The following LPCAT1 variants were observed in gnomAD, a reference collection of about 807,000 sequenced individuals.
The protein encoded by LPCAT1 is lysophosphatidylcholine acyltransferase 1.
In LPCAT1, 23 loss-of-function variants were observed where a neutral mutation model predicts 60.9. The ratio of observed to expected loss-of-function variants is 0.38; its 90% CI spans 0.27 to 0.53. LPCAT1 has a LOEUF of 0.53. Among genes scored for constraint, LPCAT1 ranks in the 20% least tolerant of loss-of-function variants. The pLI is 0.82. For missense variants in LPCAT1, 622 were observed against 723.6 expected (o/e 0.86, Z 1.61); for synonymous variants, 340 against 301.1 (o/e 1.13, Z -1.34).
At chr5:1,473,603 ACT>A (rs1328201762) in intron 11 of LPCAT1, among the ~76,000 whole-genome samples, 1 of 151,716 alleles carries the variant, frequency 6.6e-6, no homozygotes, top group Admixed American at 6.6e-5. Flanking sequence ...GTTATTAGAA[ACT>A]CTGACGCTGC....
intron 3 of LPCAT1, among the ~76,000 whole-genome samples, chr5:1,490,438 G>C (rs527990812): frequency 1.3e-5 from 2 of 152,240 alleles, no homozygotes; most frequent in African/African-American, 4.8e-5. Flanking sequence ...AGACGAAGAG[G>C]GGGAGAGAAG....
chr5:1,491,105 T>C (rs112346281), intron 3 of LPCAT1, among the ~76,000 whole-genome samples: 23 of 152,266 alleles, frequency 1.5e-4, no homozygotes, highest in African/African-American at 4.6e-4. Flanking sequence ...TGTGGTTGTC[T>C]GTTGGGTCTC....
chr5:1,472,410 T>C (rs1465959501), intron 11 of LPCAT1, among the ~76,000 whole-genome samples: 3 of 152,016 alleles, frequency 2.0e-5, no homozygotes, highest in African/African-American at 7.3e-5. Flanking sequence ...CCACACCCCT[T>C]GCAAGGCATG....
intron 3 of LPCAT1, among the ~76,000 whole-genome samples, chr5:1,493,296 G>A (rs1035878117): frequency 6.6e-6 from 1 of 152,214 alleles, no homozygotes; most frequent in Admixed American, 6.5e-5. Context: ...GGCTGCTGCA[G>A]GCCCAATCCC....
At position 1,523,885 on chromosome 5, in the gene LPCAT1, G is replaced by A; in HGVS notation, c.-41C>T. On this transcript the variant is annotated 5_prime_UTR_variant, in exon 1 of 14. Coordinates refer to ENST00000283415, the MANE Select transcript of LPCAT1 (RefSeq NM_024830.5). The surrounding 1 kb of genome is among the most constrained non-coding windows in gnomAD (Gnocchi z 7.1). ...CGGCGAGCGCAGCCGAGCTGCCTGG[G>A]GCGCCGAGCGGGGCCGGGGCTAGCT... 9.7e-7 allele frequency: 1 copy of A among 1,027,240 alleles called. No individual in the cohort carries two copies. The highest frequency in any genetic ancestry group is 1.2e-6 in the Non-Finnish European group (1 of 858,988). The allele number at this position is 1,027,240 out of a possible 1,614,324, so 63.6% of individuals were successfully genotyped here.
intron 5 of LPCAT1, among the ~76,000 whole-genome samples, chr5:1,486,687 C>T (rs2126541002): frequency 6.6e-6 from 1 of 152,288 alleles, no homozygotes; most frequent in Admixed American, 6.5e-5. Flanking sequence ...CACCACACAC[C>T]AATTTCACCT....
At chr5:1,517,505 C>T (rs1480470276) in intron 1 of LPCAT1, among the ~76,000 whole-genome samples, 1 of 152,236 alleles carries the variant, frequency 6.6e-6, no homozygotes, top group Admixed American at 6.5e-5. Context: ...CCTCCCAGCA[C>T]TCAAGGGCGC....
chr5:1,492,290 T>C (rs565911886), intron 3 of LPCAT1, among the ~76,000 whole-genome samples: 1 of 149,366 alleles, frequency 6.7e-6, no homozygotes, highest in East Asian at 2.0e-4. Context: ...TGGGGAGATG[T>C]CTCTGAGCTG....
intron 11 of LPCAT1, among the ~76,000 whole-genome samples, chr5:1,473,140 C>T (rs890887540): frequency 3.9e-5 from 6 of 152,180 alleles, no homozygotes; most frequent in African/African-American, 1.4e-4. Flanking sequence ...CCTGCCAGCC[C>T]GGGTTCCACC....
At chr5:1,492,917 C>G (rs1735645073) in intron 3 of LPCAT1, among the ~76,000 whole-genome samples, 1 of 152,254 alleles carries the variant, frequency 6.6e-6, no homozygotes, top group African/African-American at 2.4e-5. Context: ...CCACAATCCC[C>G]CTCCCTGAGC....
chr5:1,479,570 T>TC (rs1560961777), intron 8 of LPCAT1, 51 bp downstream of exon 8: 1 of 1,328,840 alleles, frequency 7.5e-7, no homozygotes, highest in East Asian at 2.3e-5. Flanking sequence ...TAAGCTCGTG[T>TC]CTGCATCAAC....
intron 13 of LPCAT1, among the ~76,000 whole-genome samples, chr5:1,465,446 G>A (rs1272359983): frequency 7.1e-6 from 1 of 139,964 alleles, no homozygotes; most frequent in Non-Finnish European, 1.5e-5. Context: ...ACAAGCGCAG[G>A]TACACACAGT....
intron 1 of LPCAT1, among the ~76,000 whole-genome samples, chr5:1,517,334 T>C (rs1265731294): frequency 6.6e-6 from 1 of 152,122 alleles, no homozygotes; most frequent in Non-Finnish European, 1.5e-5. Context: ...AGTCTCTGTG[T>C]CAGAGGCAGG....
intron 12 of LPCAT1, 125 bp downstream of exon 12, chr5:1,470,701 A>G (rs1265514630): frequency 4.5e-6 from 3 of 667,984 alleles, no homozygotes; most frequent in East Asian, 6.1e-5. Flanking sequence ...AAGCTTACGT[A>G]AAAATAGCAG....
At chr5:1,498,701 A>G (rs1735892870) in intron 2 of LPCAT1, among the ~76,000 whole-genome samples, 1 of 152,144 alleles carries the variant, frequency 6.6e-6, no homozygotes, top group Admixed American at 6.5e-5. Context: ...ACGTACATGT[A>G]TGTGCACACG....
At chr5:1,468,925 C>A (rs1734553325) in intron 12 of LPCAT1, among the ~76,000 whole-genome samples, 1 of 152,318 alleles carries the variant, frequency 6.6e-6, no homozygotes, top group East Asian at 1.9e-4. Context: ...TACATGCAGT[C>A]CCCCCAAAAT....
chr5:1,480,719 T>G lies in LPCAT1; in HGVS notation c.761+223A>C, dbSNP rs1735105386. ...CCGAATGCAAGACTCACAGTTCCCT[T>G]CCTGCTGGTACTGAAGACGTGCAAC... On this transcript the variant is annotated intron_variant, in intron 7 of 13. Coordinates refer to ENST00000283415, the MANE Select transcript of LPCAT1 (RefSeq NM_024830.5). This position sits in a 1 kb window ranked among gnomAD's most constrained non-coding sequence, Gnocchi z 6.4. Among the ~76,000 whole-genome samples, 1 of 152,152 alleles carries G rather than the reference T, an allele frequency of 6.6e-6. No individual in the cohort carries two copies. Among genetic ancestry groups the G allele is most frequent in the Non-Finnish European group, 1.5e-5 (1 of 68,026 alleles).
At chr5:1,518,680 G>A (rs1233023403) in intron 1 of LPCAT1, among the ~76,000 whole-genome samples, 4 of 152,194 alleles carry the variant, frequency 2.6e-5, no homozygotes, top group African/African-American at 9.7e-5. Flanking sequence ...GGCCAGCACC[G>A]ACCATGGCTG....
intron 9 of LPCAT1, 119 bp from the exon 10 acceptor site, chr5:1,474,804 G>A (rs1184241402): frequency 7.5e-7 from 1 of 1,324,858 alleles, no homozygotes; most frequent in Admixed American, 2.8e-5. Flanking sequence ...CAGTGAGACA[G>A]GGGAAGGGCC....
Sources: gnomAD v4.1 joint callset for allele counts (sites outside exome capture counted in the v4.1 genomes callset) on GRCh38, gnomAD v4.1.1 for gene constraint, Gnocchi (gnomAD v3.1) non-coding constraint, MANE v1.5 for transcripts, NCBI Gene and HGNC (gene_info 2026-07-23, HGNC 2026-07-21) for gene names.